The following CELF4 variants were observed in gnomAD, a reference collection of about 807,000 sequenced individuals.
CELF4 encodes CUG-BP- and ETR-3-like factor 4.
A neutral mutation model predicts 59.9 loss-of-function variants in CELF4; 18 were observed. The observed-to-expected ratio is 0.30, with a 90% confidence interval of 0.21 to 0.45. The LOEUF is 0.45. CELF4 is among the 20% of genes least tolerant of loss of function. The pLI, the probability that CELF4 is intolerant of heterozygous loss-of-function variation, is 1.00. For missense variants in CELF4, 456 were observed against 689.0 expected (o/e 0.66, Z 3.79); for synonymous variants, 261 against 267.1 (o/e 0.98, Z 0.22).
At chr18:37,342,574 T>C (rs2098095941) in intron 2 of CELF4, among the ~76,000 whole-genome samples, 1 of 152,120 alleles carries the variant, frequency 6.6e-6, no homozygotes, top group African/African-American at 2.4e-5. Flanking sequence ...CATCCCAGAC[T>C]GGAAACAGCT....
At chr18:37,321,773 G>A (rs761453040) in intron 3 of CELF4, 30 bp downstream of exon 3, 6 of 1,515,970 alleles carry the variant, frequency 4.0e-6, no homozygotes, top group Admixed American at 3.4e-5. Flanking sequence ...AGAGGGGGAG[G>A]GGGAGGGGCA....
At chr18:37,557,997 C>CTTTTTTTTTTT (rs34181233) in intron 1 of CELF4, among the ~76,000 whole-genome samples, 1 of 100,764 alleles carries the variant, frequency 9.9e-6, no homozygotes, top group African/African-American at 3.7e-5. Flanking sequence ...ATCCCTTTTA[C>CTTTTTTTTTTT]TTTTTTTTTT....
chr18:37,270,676 A>C lies in CELF4; in HGVS notation c.1099+92T>G, dbSNP rs951237147. 6 of 1,460,426 alleles carry C rather than the reference A, an allele frequency of 4.1e-6. No individual in the cohort carries two copies. In the African/African-American group the frequency reaches 4.2e-5, roughly 10 times the overall value. The allele number at this position is 1,460,426 out of a possible 1,614,324, so 90.5% of individuals were successfully genotyped here. A position where few individuals can be genotyped will look rare whatever the true frequency, so the allele number is the denominator to read the frequency against. ...TTTCATCAAGGAATGGACAGAGGGC[A>C]GGAGCCACATCTTGTTATAACAGCA... On this transcript the variant is annotated intron_variant, in intron 8 of 12. Transcript: ENST00000420428.
chr18:37,520,251 G>A (rs1052329347), intron 1 of CELF4, among the ~76,000 whole-genome samples: 3 of 152,170 alleles, frequency 2.0e-5, no homozygotes, highest in Non-Finnish European at 4.4e-5. Flanking sequence ...TGGGCCCTGG[G>A]CCTGGCCAGG....
chr18:37,338,394 A>G (rs1443959352), intron 2 of CELF4, among the ~76,000 whole-genome samples: 2 of 148,930 alleles, frequency 1.3e-5, no homozygotes, highest in Non-Finnish European at 2.9e-5. Context: ...CACTGACACC[A>G]TTGTCACCAC....
intron 1 of CELF4, among the ~76,000 whole-genome samples, chr18:37,521,208 G>T (rs1490250646): frequency 1.3e-5 from 2 of 152,152 alleles, no homozygotes; most frequent in African/African-American, 4.8e-5. Context: ...AAGTGGAAGA[G>T]TTGGCACTGC....
rs1325557529 is a variant in CELF4 at position 37,243,387 on chromosome 18, A to G, written c.*1855T>C. On this transcript the variant is annotated 3_prime_UTR_variant, in exon 13 of 13. Coordinates refer to ENST00000420428, the MANE Select transcript of CELF4 (RefSeq NM_020180.4). ...CGGCCTCCAGATGACCTGGACATCA[A>G]TGAGAAGGAATCAAGGCAGAATGCC... 3 of 152,156 alleles carry G rather than the reference A, an allele frequency of 2.0e-5. No homozygotes were observed. The highest frequency in any genetic ancestry group is 4.4e-5 in the Non-Finnish European group (3 of 68,026). The allele number at this position is 152,156 out of a possible 1,614,324, so 9.4% of individuals were successfully genotyped here.
intron 6 of CELF4, chr18:37,273,435 C>T: frequency 2.5e-6 from 3 of 1,187,262 alleles, no homozygotes; most frequent in Admixed American, 4.0e-5. Flanking sequence ...GAGACTGGCT[C>T]TGTGGGTGCT....
intron 2 of CELF4, among the ~76,000 whole-genome samples, chr18:37,420,668 C>G (rs2099572636): frequency 6.6e-6 from 1 of 152,172 alleles, no homozygotes; most frequent in Non-Finnish European, 1.5e-5. Flanking sequence ...GACTCGTTCT[C>G]CAAGCATGGG....
chr18:37,503,304 A>G (rs915353461), intron 1 of CELF4, among the ~76,000 whole-genome samples: 4 of 152,336 alleles, frequency 2.6e-5, no homozygotes, highest in Non-Finnish European at 5.9e-5. Flanking sequence ...GCCAGAGAAT[A>G]GGAGAATATA....
chr18:37,283,494 G>A (rs2094391733), intron 3 of CELF4, among the ~76,000 whole-genome samples: 1 of 152,102 alleles, frequency 6.6e-6, no homozygotes, highest in African/African-American at 2.4e-5. Context: ...ATTCATTCAT[G>A]CAGCAAGGTC....
chr18:37,371,925 A>C (rs1441706466), intron 2 of CELF4, among the ~76,000 whole-genome samples: 2 of 152,190 alleles, frequency 1.3e-5, no homozygotes, highest in East Asian at 3.9e-4. Flanking sequence ...CACTCTTCTT[A>C]ATGTGTGCAT....
intron 1 of CELF4, among the ~76,000 whole-genome samples, chr18:37,544,451 A>C (rs1322842338): frequency 1.3e-5 from 2 of 152,024 alleles, no homozygotes; most frequent in African/African-American, 4.8e-5. Flanking sequence ...GGACTCTGGG[A>C]GGGGCTGGGA....
chr18:37,432,610 A>T (rs1005739812), intron 2 of CELF4, among the ~76,000 whole-genome samples: 4 of 152,194 alleles, frequency 2.6e-5, no homozygotes, highest in African/African-American at 9.7e-5. Flanking sequence ...AGAATACAAC[A>T]TATTCTCACT....
chr18:37,332,430 A>T (rs775147530), intron 2 of CELF4, among the ~76,000 whole-genome samples: 1 of 152,188 alleles, frequency 6.6e-6, no homozygotes, highest in Non-Finnish European at 1.5e-5. Flanking sequence ...AGAAAGAAGC[A>T]GTGAGCGGCC....
At chr18:37,507,808 C>T (rs72891050) in intron 1 of CELF4, among the ~76,000 whole-genome samples, 26,764 of 152,124 alleles carry the variant, frequency 0.18, 2,473 homozygotes, top group South Asian at 0.24. Context: ...TGCCTGAGGG[C>T]CCAGGGCCCC....
chr18:37,273,248 C>T (rs2092174284), intron 6 of CELF4, 85 bp from the exon 7 acceptor site: 2 of 1,516,152 alleles, frequency 1.3e-6, no homozygotes, highest in South Asian at 2.6e-5. Context: ...GGAGACCAAT[C>T]TCCCAGGCTC....
At chr18:37,564,777 A>G (rs1204165818) in intron 1 of CELF4, among the ~76,000 whole-genome samples, 1 of 151,174 alleles carries the variant, frequency 6.6e-6, no homozygotes, top group Non-Finnish European at 1.5e-5. Context: ...TCACACCACA[A>G]TCAGATTATT....
chr18:37,353,912 C>A (rs1316632159), intron 2 of CELF4, among the ~76,000 whole-genome samples: 2 of 151,756 alleles, frequency 1.3e-5, no homozygotes, highest in African/African-American at 4.8e-5. Flanking sequence ...ACTCACCACA[C>A]GCCCAGCTAA....
Sources: gnomAD v4.1 joint callset for allele counts (sites outside exome capture counted in the v4.1 genomes callset) on GRCh38, gnomAD v4.1.1 for gene constraint, MANE v1.5 for transcripts, NCBI Gene and HGNC (gene_info 2026-07-23, HGNC 2026-07-21) for gene names.